STAB1: variants seen among roughly 807,000 people sequenced by gnomAD.
STAB1 encodes stabilin 1.
Under a neutral mutation model 332.4 loss-of-function variants are expected in STAB1, and 250 were observed. The observed-to-expected ratio is 0.75, with a 90% CI of 0.68 to 0.84. The LOEUF (loss-of-function observed/expected upper bound fraction) is 0.84. STAB1 is among the 40% of genes least tolerant of loss of function. The probability of loss-of-function intolerance (pLI) is 0.00; values close to 1 mark genes in which losing one functional copy is unlikely to be tolerated. For missense variants in STAB1, 3,249 were observed against 3,489.7 expected (o/e 0.93, Z 1.74); for synonymous variants, 1,475 against 1,390.4 (o/e 1.06, Z -1.35).
chr3:52,510,559 C>G (rs1265352173), intron 25 of STAB1, 52 bp downstream of exon 25: 2 of 1,571,542 alleles, frequency 1.3e-6, no homozygotes, highest in East Asian at 4.5e-5. Context: ...GGACTCTCTC[C>G]CTGCCCCATC....
At chr3:52,520,731 G>T in intron 54 of STAB1, 33 bp downstream of exon 54, 1 of 1,611,674 alleles carries the variant, frequency 6.2e-7, no homozygotes. Flanking sequence ...GGGGTGGTGG[G>T]GTGGGGGCAG....
chr3:52,496,425 G>T (rs1708029430), intron 1 of STAB1, among the ~76,000 whole-genome samples: 1 of 152,214 alleles, frequency 6.6e-6, no homozygotes, highest in Admixed American at 6.5e-5. Context: ...GGGAGGACTT[G>T]CCCAGGATCC....
At position 52,516,086 on chromosome 3, in the gene STAB1, C is replaced by T. The variant is rs775335895; in HGVS notation, c.3992C>T (p.Pro1331Leu). 1.2e-6 allele frequency: 2 copies of T among 1,611,784 alleles called. No individual in the cohort carries two copies. Among genetic ancestry groups the T allele is most frequent in the Non-Finnish European group, 1.7e-6 (2 of 1,179,350 alleles). Residue 1331 changes from proline to leucine, a missense_variant, in exon 38 of 69, where the codon CCA (proline) becomes CTA (leucine). By Grantham distance (98) the Pro-to-Leu change is moderately conservative (BLOSUM62 -3). Transcript: ENST00000321725. ...GGTTTCTTTGGCACGCTGTGTGAGC[C>T]ATGCCCAGGGGGTCTAGGGGGGGTG... ...CPGFFGTLCE[P>L]CPGGLGGVCS...
At chr3:52,497,773 C>T (rs976720373) in intron 1 of STAB1, among the ~76,000 whole-genome samples, 2 of 152,128 alleles carry the variant, frequency 1.3e-5, no homozygotes, top group Admixed American at 1.3e-4. Flanking sequence ...GAGGAGGGTC[C>T]TGGAACCAGT....
At chr3:52,503,156 G>C in intron 7 of STAB1, 47 bp downstream of exon 7, 1 of 1,532,842 alleles carries the variant, frequency 6.5e-7, no homozygotes, top group Non-Finnish European at 8.8e-7. Context: ...GGGCGGGCGG[G>C]GGCTGGGAGA....
chr3:52,502,509 C>T (rs1214053300), intron 5 of STAB1, 123 bp from the exon 6 acceptor site: 1 of 915,056 alleles, frequency 1.1e-6, no homozygotes, highest in East Asian at 2.6e-5. Flanking sequence ...CATCACAGCT[C>T]TGTACTCTTA....
Position 52,523,144 on chromosome 3 carries a change from G to A in STAB1, c.7020+10G>A, listed in dbSNP as rs1226155997. 6.2e-7 allele frequency: 1 copy of A among 1,604,802 alleles called. No homozygotes were observed. Among genetic ancestry groups the A allele is most frequent in the East Asian group, 2.2e-5 (1 of 44,874 alleles). On this transcript the variant is annotated intron_variant, in intron 63 of 68. Coordinates refer to ENST00000321725, the MANE Select transcript of STAB1 (RefSeq NM_015136.3). ...CTCCACCTTCTATGGGGTGTGTGGG[G>A]GCCACCCTTGGGGGCGGGGGGTGCT...
rs570835086 is a variant in STAB1 at position 52,519,610 on chromosome 3, G to A, written c.5235+46G>A. The stretch of plus-strand genomic sequence containing the variant: ...TGTCATTGTGGACACACATGCACGT[G>A]TAAGTGTGTGCAAGTGTGTATGCGT... On this transcript the variant is annotated intron_variant, in intron 50 of 68. Coordinates refer to ENST00000321725, the MANE Select transcript of STAB1 (RefSeq NM_015136.3). The A allele has an allele frequency of 7.5e-5, 28 of 372,132 alleles. 1 individual carries two copies. In the East Asian group the frequency reaches 2.6e-3, roughly 34 times the overall value. 23.1% of individuals were successfully genotyped at this position (372,132 alleles called of 1,614,324 possible).
At chr3:52,518,404 T>C in intron 46 of STAB1, 45 bp downstream of exon 46, 1 of 1,599,272 alleles carries the variant, frequency 6.3e-7, no homozygotes, top group Non-Finnish European at 8.5e-7. Context: ...GTCCCACCCC[T>C]CTCTGGACTT....
chr3:52,517,620 C>A lies in STAB1; in HGVS notation c.4634C>A (p.Ser1545Tyr), dbSNP rs1268076874. ...IRTCELLDPC[S>Y]KNNGGCSPYA... Reference sequence around the variant, plus strand: ...ACCTGCGAGCTCCTGGACCCCTGCTCTAAGGTCAGGACCCTAGTCCTGTCC... The same window carrying A: ...ACCTGCGAGCTCCTGGACCCCTGCTATAAGGTCAGGACCCTAGTCCTGTCC... Residue 1545 changes from serine to tyrosine, a missense_variant, in exon 44 of 69, where the codon TCT (serine) becomes TAT (tyrosine). Ser to Tyr is a moderately radical substitution (Grantham distance 144). Transcript: ENST00000321725. 6 of 1,612,662 alleles carry A rather than the reference C, an allele frequency of 3.7e-6. No homozygotes were observed. Among genetic ancestry groups the A allele is most frequent in the Non-Finnish European group, 5.1e-6 (6 of 1,179,882 alleles).
intron 29 of STAB1, 29 bp downstream of exon 29, chr3:52,512,987 G>T: frequency 6.2e-7 from 1 of 1,600,910 alleles, no homozygotes; most frequent in South Asian, 1.1e-5. Flanking sequence ...GGCTGTGGGA[G>T]GGGCTTCCTT....
At chr3:52,498,674 C>T (rs186588018) in intron 1 of STAB1, among the ~76,000 whole-genome samples, 94 of 152,356 alleles carry the variant, frequency 6.2e-4, no homozygotes, top group Admixed American at 6.1e-3. Context: ...CCAGAGCTGA[C>T]CACCATTCCT....
In STAB1 at chr3:52,516,074, C is replaced by T. The variant is rs746462316; in HGVS notation, c.3980C>T (p.Thr1327Met). Residue 1327 changes from threonine (T) to methionine (M), a missense_variant, in exon 38 of 69, where the codon ACG (threonine) becomes ATG (methionine). Thr to Met is a moderately conservative substitution (Grantham distance 81). Coordinates refer to ENST00000321725, the MANE Select transcript of STAB1 (RefSeq NM_015136.3). ...GACTGCTGCCCTGGTTTCTTTGGCA[C>T]GCTGTGTGAGCCATGCCCAGGGGGT... ...VPDCCPGFFGTLCEPCPGGLG... is the reference protein window; with the variant it reads ...VPDCCPGFFGMLCEPCPGGLG... The T allele has an allele frequency of 1.8e-5, 29 of 1,611,008 alleles. No individual in the cohort carries two copies. Among genetic ancestry groups the T allele is most frequent in the South Asian group, 1.2e-4 (11 of 90,978 alleles).
In STAB1 at chr3:52,507,924, A is replaced by AC. The variant is rs1559686152; in HGVS notation, c.2053-4dup. ...CCCACTGACTGGCTTTGCATGGCCC[A>AC]CCCTAGGACATCTTCCCCAAGGAGT... is the stretch of plus-strand genomic sequence containing the variant. On this transcript the variant is annotated splice_region_variant and splice_polypyrimidine_tract_variant and intron_variant, in intron 19 of 68. Coordinates refer to ENST00000321725, the MANE Select transcript of STAB1 (RefSeq NM_015136.3). 5.0e-6 allele frequency: 8 copies of AC among 1,612,218 alleles called. No homozygotes were observed. The highest frequency in any genetic ancestry group is 6.8e-6 in the Non-Finnish European group (8 of 1,179,220).
chr3:52,495,545 G>A (rs1174401669), intron 1 of STAB1, 54 bp downstream of exon 1: 30 of 1,264,530 alleles, frequency 2.4e-5, no homozygotes, highest in South Asian at 1.0e-4. Flanking sequence ...GCCGGCCAGC[G>A]GTGGGAACAG....
intron 44 of STAB1, 78 bp from the exon 45 acceptor site, chr3:52,517,803 T>C (rs574781515): frequency 1.2e-6 from 2 of 1,601,426 alleles, no homozygotes; most frequent in South Asian, 1.1e-5. Context: ...GGGGCCTTCA[T>C]GGCCTCTTTC....
intron 2 of STAB1, 116 bp from the exon 3 acceptor site, chr3:52,501,522 T>C (rs1708441157): frequency 1.7e-6 from 2 of 1,149,132 alleles, no homozygotes; most frequent in African/African-American, 1.5e-5. Context: ...TGTGCTCAGC[T>C]CTGGGCCAGG....
intron 20 of STAB1, 81 bp downstream of exon 20, chr3:52,508,107 G>A (rs1303584902): frequency 6.2e-6 from 9 of 1,451,932 alleles, no homozygotes; most frequent in Non-Finnish European, 8.6e-6. Flanking sequence ...GGGGCTGAGT[G>A]GGCTCCCTCC....
chr3:52,504,455 C>T lies in STAB1; in HGVS notation c.1151-6C>T. 6.2e-7 allele frequency: 1 copy of T among 1,613,960 alleles called. No homozygotes were observed. Among genetic ancestry groups the T allele is most frequent in the Non-Finnish European group, 8.5e-7 (1 of 1,179,956 alleles). On this transcript the variant is annotated splice_region_variant and splice_polypyrimidine_tract_variant and intron_variant, in intron 10 of 68. Transcript: ENST00000321725. Reference sequence around the variant, plus strand: ...CCTTCTGATGCTCCCTCACCCTGCCCCCCAGACCAGGGCTGCCGGGAAATC... The same window carrying T: ...CCTTCTGATGCTCCCTCACCCTGCCTCCCAGACCAGGGCTGCCGGGAAATC...
Sources: gnomAD v4.1 joint callset for allele counts (sites outside exome capture counted in the v4.1 genomes callset) on GRCh38, gnomAD v4.1.1 for gene constraint, MANE v1.5 for transcripts, NCBI Gene and HGNC (gene_info 2026-07-23, HGNC 2026-07-21) for gene names.